The following JAK1 variants were observed in gnomAD, a reference collection of about 807,000 sequenced individuals.
JAK1 encodes tyrosine-protein kinase JAK1.
In JAK1, 16 loss-of-function variants were observed where a neutral mutation model predicts 136.6. That is an observed-to-expected ratio of 0.12 (90% confidence interval 0.08 to 0.18). JAK1 has a LOEUF of 0.18. Among genes scored for constraint, JAK1 ranks in the 10% least tolerant of loss-of-function variants. JAK1 has a pLI of 1.00. For missense variants in JAK1, 859 were observed against 1,450.1 expected (o/e 0.59, Z 6.62); for synonymous variants, 492 against 519.5 (o/e 0.95, Z 0.72).
chr1:64,928,790 A>AAAAAAC (rs1553170025), intron 1 of JAK1, among the ~76,000 whole-genome samples: 3 of 125,794 alleles, frequency 2.4e-5, no homozygotes, highest in African/African-American at 3.7e-5. Flanking sequence ...AAAAAAAAAA[A>AAAAAAC]AAAAAACAAA....
At chr1:64,882,508 T>C (rs1359018068) in intron 3 of JAK1, among the ~76,000 whole-genome samples, 1 of 152,256 alleles carries the variant, frequency 6.6e-6, no homozygotes, top group South Asian at 2.1e-4. Flanking sequence ...ATTTACTCAG[T>C]TGTACAACCA....
intron 1 of JAK1, among the ~76,000 whole-genome samples, chr1:64,931,455 C>G (rs1228796934): frequency 1.3e-5 from 2 of 152,020 alleles, no homozygotes; most frequent in African/African-American, 4.8e-5. Flanking sequence ...GTCCCCACCT[C>G]CCCCAGCAAC....
intron 2 of JAK1, among the ~76,000 whole-genome samples, chr1:65,017,428 A>C (rs553807520): frequency 6.6e-6 from 1 of 152,202 alleles, no homozygotes; most frequent in African/African-American, 2.4e-5. Context: ...AAATTGCGCC[A>C]CTGCACTCCA....
At chr1:65,010,008 G>C (rs1012996211) in intron 2 of JAK1, among the ~76,000 whole-genome samples, 5 of 152,044 alleles carry the variant, frequency 3.3e-5, no homozygotes, top group East Asian at 1.9e-4. Context: ...CTAGACTTTC[G>C]ACTCCATCAT....
chr1:64,904,909 G>A (rs1047839626), intron 1 of JAK1, among the ~76,000 whole-genome samples: 6 of 152,048 alleles, frequency 3.9e-5, no homozygotes, highest in Admixed American at 6.6e-5. Flanking sequence ...GGTAATGCCC[G>A]GAAAAAGTTA....
intron 2 of JAK1, chr1:64,972,955 A>G (rs1646464480): frequency 6.6e-6 from 1 of 152,104 alleles, no homozygotes; most frequent in Non-Finnish European, 1.5e-5. Context: ...CCTGGACTCT[A>G]TAAAAAATTT....
chr1:64,985,906 A>G (rs1374403692), intron 2 of JAK1: 1 of 736,100 alleles, frequency 1.4e-6, no homozygotes, highest in African/African-American at 1.8e-5. Context: ...ATAGACAAGC[A>G]CCAAAGGGAC....
At chr1:65,014,969 G>T (rs949889081) in intron 2 of JAK1, among the ~76,000 whole-genome samples, 1 of 152,124 alleles carries the variant, frequency 6.6e-6, no homozygotes, top group Non-Finnish European at 1.5e-5. Flanking sequence ...ACAGGCTTGA[G>T]CCACCGCGCC....
chr1:64,839,094 C>T (rs901372063), intron 20 of JAK1, among the ~76,000 whole-genome samples: 24 of 136,514 alleles, frequency 1.8e-4, no homozygotes, highest in South Asian at 4.6e-4. Context: ...TGCAGTGAGC[C>T]GAGATTGCGC....
intron 2 of JAK1, among the ~76,000 whole-genome samples, chr1:65,005,189 C>T (rs1251764066): frequency 6.6e-6 from 1 of 152,022 alleles, no homozygotes; most frequent in African/African-American, 2.4e-5. Flanking sequence ...ACTAAAAATA[C>T]AAAAATTAGC....
At chr1:64,873,030 T>C (rs979818829) in intron 5 of JAK1, among the ~76,000 whole-genome samples, 3 of 152,192 alleles carry the variant, frequency 2.0e-5, no homozygotes, top group Non-Finnish European at 4.4e-5. Flanking sequence ...TTCAGCCCTG[T>C]TGAATTACAT....
At chr1:64,989,371 A>AT (rs1557745840) in intron 2 of JAK1, 1 of 151,636 alleles carries the variant, frequency 6.6e-6, no homozygotes, top group African/African-American at 2.4e-5. Flanking sequence ...AAATAAATAA[A>AT]ATAAACTCAA....
chr1:64,994,544 G>A (rs1048476157), intron 2 of JAK1, among the ~76,000 whole-genome samples: 7 of 152,166 alleles, frequency 4.6e-5, no homozygotes, highest in African/African-American at 1.2e-4. Flanking sequence ...CATAAGAGAT[G>A]AAAAGCACAG....
chr1:64,913,713 G>GAGGA (rs1557686939), intron 1 of JAK1, among the ~76,000 whole-genome samples: 1 of 27,634 alleles, frequency 3.6e-5, no homozygotes, highest in African/African-American at 1.1e-4. Flanking sequence ...AGAAGGGAGG[G>GAGGA]AGGGAGGGAG....
chr1:65,035,940 C>T (rs893520948), intron 2 of JAK1, among the ~76,000 whole-genome samples: 2 of 151,860 alleles, frequency 1.3e-5, no homozygotes, highest in Non-Finnish European at 2.9e-5. Context: ...TGGTAGCGCA[C>T]GCCTGTAGTC....
chr1:64,925,838 T>C (rs1032322910), intron 1 of JAK1, among the ~76,000 whole-genome samples: 1 of 152,184 alleles, frequency 6.6e-6, no homozygotes, highest in African/African-American at 2.4e-5. Context: ...GCCCAGATTA[T>C]ACAGCCCAGA....
At chr1:65,001,407 G>A (rs567961050) in intron 2 of JAK1, among the ~76,000 whole-genome samples, 1 of 152,270 alleles carries the variant, frequency 6.6e-6, no homozygotes, top group South Asian at 2.1e-4. Context: ...GCTGGCTGGC[G>A]GCGAGTGCAG....
chr1:65,065,047 C>G (rs1647980120), intron 1 of JAK1, among the ~76,000 whole-genome samples: 1 of 152,188 alleles, frequency 6.6e-6, no homozygotes, highest in Non-Finnish European at 1.5e-5. Flanking sequence ...TCTCCCTTCT[C>G]ACTCCCCATG....
intron 22 of JAK1, among the ~76,000 whole-genome samples, chr1:64,836,749 T>C (rs1020606951): frequency 6.6e-6 from 1 of 152,168 alleles, no homozygotes; most frequent in Non-Finnish European, 1.5e-5. Context: ...CCTGTCCTAA[T>C]TCATGCTGTC....
Sources: gnomAD v4.1 joint callset for allele counts (sites outside exome capture counted in the v4.1 genomes callset) on GRCh38, gnomAD v4.1.1 for gene constraint, MANE v1.5 for transcripts, NCBI Gene and HGNC (gene_info 2026-07-23, HGNC 2026-07-21) for gene names.